PFKFB1: variants seen among roughly 807,000 people sequenced by gnomAD.
PFKFB1 encodes the protein 6-phosphofructo-2-kinase/fructose-2,6-biphosphatase 1.
In PFKFB1, 34 loss-of-function variants were observed where a neutral mutation model predicts 46.4. The observed-to-expected ratio is 0.73, with a 90% CI of 0.56 to 0.98. The LOEUF is 0.98. Ranked by LOEUF, PFKFB1 falls within the 50% of genes least tolerant of loss-of-function variation. The pLI is 0.00. For synonymous variants in PFKFB1, 119 were observed against 133.8 expected (o/e 0.89, Z 0.76); for missense variants, 393 against 376.3 (o/e 1.04, Z -0.37).
chrX:54,968,823 C>G (rs1927265202), intron 1 of PFKFB1, among the ~76,000 whole-genome samples: 1 of 111,048 alleles, frequency 9.0e-6, no homozygotes. Context: ...CAATTCTATA[C>G]AATCTCTCTA....
At chrX:54,935,076 C>G (rs1467772154) in intron 11 of PFKFB1, 67 bp from the exon 12 acceptor site, 10 of 872,115 alleles carry the variant, frequency 1.1e-5, no homozygotes, top group Admixed American at 2.5e-5. Flanking sequence ...CCCCAGGCCC[C>G]CAGGCTTGCT....
intron 10 of PFKFB1, among the ~76,000 whole-genome samples, chrX:54,944,275 T>C (rs1340707702): frequency 9.0e-6 from 1 of 111,063 alleles, no homozygotes; most frequent in Non-Finnish European, 1.9e-5. Flanking sequence ...ATTATATAAC[T>C]TAAATATGGA....
intron 1 of PFKFB1, among the ~76,000 whole-genome samples, chrX:54,972,200 C>T (rs1375227350): frequency 9.0e-6 from 1 of 111,576 alleles, no homozygotes; most frequent in African/African-American, 3.3e-5. Context: ...TATCCTGACA[C>T]TTTGCTGAAG....
chrX:54,947,092 CTT>C (rs1227744343), intron 9 of PFKFB1, among the ~76,000 whole-genome samples: 1 of 111,295 alleles, frequency 9.0e-6, no homozygotes, highest in African/African-American at 3.3e-5. Flanking sequence ...ACAATACCCT[CTT>C]TGTTTATGAA....
chrX:54,939,440 C>T (rs1324492277), intron 10 of PFKFB1, among the ~76,000 whole-genome samples: 6 of 111,559 alleles, frequency 5.4e-5, no homozygotes, highest in Non-Finnish European at 9.4e-5. Flanking sequence ...TTCAAAAAAT[C>T]AATGAATCCA....
intron 1 of PFKFB1, among the ~76,000 whole-genome samples, chrX:54,969,806 AG>A (rs768743518): frequency 8.9e-6 from 1 of 112,317 alleles, no homozygotes; most frequent in South Asian, 3.7e-4. Flanking sequence ...AAGGCAAGAA[AG>A]GTAATATAAG....
upstream of PFKFB1, chrX:54,998,579 G>T: frequency 6.3e-6 from 3 of 476,386 alleles, no homozygotes; most frequent in South Asian, 6.6e-5. Flanking sequence ...GGATGTATGT[G>T]CTCTGTTGAA....
intron 1 of PFKFB1, among the ~76,000 whole-genome samples, chrX:54,974,548 G>A (rs1302452520): frequency 3.6e-5 from 4 of 111,531 alleles, no homozygotes; most frequent in Non-Finnish European, 7.5e-5. Flanking sequence ...CTTAGGCAAA[G>A]AATTCATGAC....
chrX:54,979,715 T>G (rs184543238), intron 1 of PFKFB1, among the ~76,000 whole-genome samples: 146 of 112,233 alleles, frequency 1.3e-3, no homozygotes, highest in African/African-American at 4.5e-3. Flanking sequence ...CCCTTAATGA[T>G]CCATACCTCT....
chrX:54,945,743 TGA>T (rs1267910030), intron 9 of PFKFB1, among the ~76,000 whole-genome samples, 200 bp from the exon 10 acceptor site: 1 of 105,729 alleles, frequency 9.5e-6, no homozygotes, highest in Non-Finnish European at 1.9e-5. Flanking sequence ...TGTGTGTGTG[TGA>T]GGTGTGTGGC....
chrX:54,960,838 G>A lies in PFKFB1; in HGVS notation c.303C>T (p.Ala101=). ...YEFFLPDNME[A]LQIRKQCALA... ...TGGGTACTTACTTCCTGATTTGCAG[G>A]GCTTCCATGTTGTCTGGAAGAAAGA... Residue 101 remains alanine, a synonymous_variant, in exon 3 of 14, where the codon GCC becomes GCT. Coordinates refer to ENST00000375006, the MANE Select transcript of PFKFB1 (RefSeq NM_002625.4). 1.7e-6 allele frequency: 2 copies of A among 1,176,738 alleles called. No individual in the cohort carries two copies. The highest frequency in any genetic ancestry group is 4.4e-5 in the Admixed American group (2 of 45,422).
intron 1 of PFKFB1, among the ~76,000 whole-genome samples, chrX:54,981,162 A>G (rs1230706932): frequency 3.6e-5 from 4 of 111,277 alleles, no homozygotes; most frequent in African/African-American, 1.3e-4. Context: ...AAAGTCTACC[A>G]TGGGTTTAAT....
At chrX:54,988,105 TA>T (rs1259998825) in intron 1 of PFKFB1, among the ~76,000 whole-genome samples, 2 of 111,469 alleles carry the variant, frequency 1.8e-5, no homozygotes, top group African/African-American at 6.5e-5. Flanking sequence ...AGGAATGCAC[TA>T]AAAAACACCA....
intron 1 of PFKFB1, among the ~76,000 whole-genome samples, chrX:54,984,913 T>G (rs1460627549): frequency 2.7e-5 from 3 of 110,522 alleles, no homozygotes; most frequent in African/African-American, 9.9e-5. Flanking sequence ...TTACCCTCAT[T>G]CCATCTTGCT....
Position 54,951,913 on chromosome X carries a change from C to T in PFKFB1, c.838G>A (p.Gly280Ser), listed in dbSNP as rs149578224. The change falls in exon 8 of 14, where the codon GGC becomes AGC. Residue 280 changes from glycine (G) to serine (S), a missense_variant. Transcript: ENST00000375006. ...IGGDSGLSVRGKQYAYALANF... is the reference protein window; with the variant it reads ...IGGDSGLSVRSKQYAYALANF... ...TGTGTGGCCCACCCTACCTGCTTGC[C>T]GCGAACTGAGAGGCCAGAGTCACCT... 8.0e-5 allele frequency: 95 copies of T among 1,194,642 alleles called. No individual in the cohort carries two copies. Among genetic ancestry groups the T allele is most frequent in the Non-Finnish European group, 9.9e-5 (88 of 886,909 alleles).
chrX:54,938,255 C>T (rs1166403110), intron 10 of PFKFB1, among the ~76,000 whole-genome samples: 3 of 111,656 alleles, frequency 2.7e-5, no homozygotes, highest in Non-Finnish European at 5.6e-5. Context: ...TGCTCAAAGG[C>T]CAAATCTTTA....
At position 54,933,465 on chromosome X, in the gene PFKFB1, G is replaced by C. The variant is rs1388834072; in HGVS notation, c.1357-3C>G. 1.2e-5 allele frequency: 14 copies of C among 1,200,902 alleles called. No individual in the cohort carries two copies. Among genetic ancestry groups the C allele is most frequent in the Non-Finnish European group, 1.5e-5 (13 of 885,723 alleles). On this transcript the variant is annotated splice_polypyrimidine_tract_variant and splice_region_variant and intron_variant, in intron 13 of 13. Coordinates refer to ENST00000375006, the MANE Select transcript of PFKFB1 (RefSeq NM_002625.4). ...GGTTCCCGGGTGATGTCCACATTCT[G>C]AGGAGAGAGCGCAGGATTAATAGGA...
chrX:54,994,887 G>C, upstream of PFKFB1: 2 of 749,742 alleles, frequency 2.7e-6, no homozygotes, highest in Non-Finnish European at 3.1e-6. Context: ...GGCTGGAGGT[G>C]GGGGAATGGT....
At position 54,939,059 on chromosome X, in the gene PFKFB1, T is replaced by C. The variant is rs189538730; in HGVS notation, c.1099-1335A>G. Among the ~76,000 whole-genome samples the C allele has an allele frequency of 2.1e-3, 231 of 111,680 alleles. 1 individual carries two copies. Among genetic ancestry groups the C allele is most frequent in the African/African-American group, 7.2e-3 (221 of 30,709 alleles). On this transcript the variant is annotated intron_variant, in intron 10 of 13. Transcript: ENST00000375006. ...AACTGTCTCTCAGACCACAGTGCAATCAAACTAGAAGAACTCAGGATTAAG... is the reference window on the plus strand; with the variant it reads ...AACTGTCTCTCAGACCACAGTGCAACCAAACTAGAAGAACTCAGGATTAAG...
Sources: gnomAD v4.1 joint callset for allele counts (sites outside exome capture counted in the v4.1 genomes callset) on GRCh38, gnomAD v4.1.1 for gene constraint, MANE v1.5 for transcripts, NCBI Gene and HGNC (gene_info 2026-07-23, HGNC 2026-07-21) for gene names.